Variants in DAB2IP observed in about 807,000 individuals in gnomAD.
The protein encoded by DAB2IP is DAB2 interacting protein.
DAB2IP carries 28 observed loss-of-function variants against 107.2 expected under a neutral mutation model. The observed-to-expected ratio is 0.26, with a 90% confidence interval of 0.19 to 0.36. The LOEUF is 0.36. Ranked by LOEUF, DAB2IP falls within the 10% of genes least tolerant of loss-of-function variation. The pLI is 1.00. For missense variants in DAB2IP, 1,400 were observed against 1,644.7 expected (o/e 0.85, Z 2.57); for synonymous variants, 755 against 706.4 (o/e 1.07, Z -1.09).
intron 1 of DAB2IP, among the ~76,000 whole-genome samples, chr9:121,638,926 G>A (rs905972727): frequency 1.3e-5 from 2 of 152,186 alleles, no homozygotes; most frequent in Non-Finnish European, 2.9e-5. Flanking sequence ...GGAATCATGG[G>A]AGCAAAGACA....
intron 1 of DAB2IP, among the ~76,000 whole-genome samples, chr9:121,654,643 G>A (rs1397314396): frequency 2.6e-5 from 4 of 152,130 alleles, no homozygotes; most frequent in Non-Finnish European, 5.9e-5. Context: ...ACCACCTGAG[G>A]GCAGGGCCCC....
chr9:121,636,385 A>C (rs1832088491), intron 1 of DAB2IP, among the ~76,000 whole-genome samples: 1 of 152,262 alleles, frequency 6.6e-6, no homozygotes, highest in Admixed American at 6.5e-5. Context: ...TCAAAGGAAG[A>C]GAAGTGGTTG....
At chr9:121,651,241 G>T (rs1183747921), upstream of DAB2IP, among the ~76,000 whole-genome samples, 3 of 152,262 alleles carry the variant, frequency 2.0e-5, no homozygotes, top group Non-Finnish European at 4.4e-5. The surrounding 1 kb of genome is among the most constrained non-coding windows in gnomAD (Gnocchi z 5.1). Context: ...CTGCGGAGCA[G>T]TGAGGGTCGT....
At position 121,702,307 on chromosome 9, in the gene DAB2IP, A is replaced by T. The variant is rs1032904744; in HGVS notation, c.362+2849A>T. On this transcript the variant is annotated intron_variant, in intron 3 of 15. Coordinates refer to ENST00000408936, the Ensembl canonical transcript of DAB2IP. The surrounding 1 kb of genome is among the most constrained non-coding windows in gnomAD (Gnocchi z 4.5). ...AAAGGAGTCGGTTTCAGGGGTGGGG[A>T]TGCCGAACCTGGCTGGTTGGGATTG... Among the ~76,000 whole-genome samples the T allele has an allele frequency of 6.6e-6, 1 of 151,928 alleles. No individual in the cohort carries two copies. The highest frequency in any genetic ancestry group is 1.5e-5 in the Non-Finnish European group (1 of 68,002).
chr9:121,645,729 C>G (rs926216377), intron 1 of DAB2IP, among the ~76,000 whole-genome samples: 1 of 152,180 alleles, frequency 6.6e-6, no homozygotes. Context: ...CTCAGCTTCC[C>G]CCGTTCATCA....
At chr9:121,625,885 G>A (rs1032810253) in intron 1 of DAB2IP, among the ~76,000 whole-genome samples, 4 of 152,156 alleles carry the variant, frequency 2.6e-5, no homozygotes, top group African/African-American at 7.2e-5. Flanking sequence ...GCCATCGTGG[G>A]CCCACATTCC....
intron 3 of DAB2IP, chr9:121,737,553 T>C (rs1832015925): frequency 1.0e-6 from 1 of 985,400 alleles, no homozygotes; most frequent in Non-Finnish European, 1.2e-6. Context: ...CTCTGTGGCC[T>C]TGGACTTCTT....
At chr9:121,750,673 T>C (rs1205094927) in intron 3 of DAB2IP, among the ~76,000 whole-genome samples, 1 of 152,144 alleles carries the variant, frequency 6.6e-6, no homozygotes, top group Non-Finnish European at 1.5e-5. Context: ...CCCCACCCAA[T>C]AGTTGGGAAC....
intron 3 of DAB2IP, among the ~76,000 whole-genome samples, chr9:121,745,514 G>A (rs1832660560): frequency 6.6e-6 from 1 of 152,174 alleles, no homozygotes. Context: ...CCAGACCTCA[G>A]GCTTTGGGAG....
At chr9:121,763,190 T>C (rs1834017134) in intron 6 of DAB2IP, among the ~76,000 whole-genome samples, 1 of 152,150 alleles carries the variant, frequency 6.6e-6, no homozygotes, top group Non-Finnish European at 1.5e-5. Flanking sequence ...GGGCTGTACA[T>C]GGAAATGAGT....
chr9:121,629,233 T>C (rs1831782321), intron 1 of DAB2IP, among the ~76,000 whole-genome samples: 1 of 152,136 alleles, frequency 6.6e-6, no homozygotes, highest in Non-Finnish European at 1.5e-5. Flanking sequence ...CTCAGGGACA[T>C]TGGACAGGTG....
intron 1 of DAB2IP, among the ~76,000 whole-genome samples, chr9:121,578,513 C>T (rs1340207557): frequency 2.0e-5 from 3 of 151,836 alleles, no homozygotes; most frequent in Admixed American, 1.3e-4. Flanking sequence ...TTCCAAGCCC[C>T]GGGGGATTTT....
chr9:121,605,712 C>T (rs891373120), intron 1 of DAB2IP, among the ~76,000 whole-genome samples: 8 of 152,206 alleles, frequency 5.3e-5, no homozygotes, highest in East Asian at 1.9e-4. Context: ...CACTATATTG[C>T]GCAGGCTGGT....
intron 3 of DAB2IP, among the ~76,000 whole-genome samples, chr9:121,750,283 C>T (rs898718894): frequency 7.2e-5 from 11 of 152,214 alleles, no homozygotes; most frequent in African/African-American, 2.4e-4. Flanking sequence ...CCTGCCCGCT[C>T]GCAGCTGCAG....
At chr9:121,707,332 T>G (rs1589554183) in intron 3 of DAB2IP, among the ~76,000 whole-genome samples, 2 of 152,326 alleles carry the variant, frequency 1.3e-5, no homozygotes, top group East Asian at 3.9e-4. Flanking sequence ...TCCACCCTTC[T>G]GCCGCCCCCC....
chr9:121,776,130 C>G lies in DAB2IP; in HGVS notation c.3121-68C>G. Reference sequence around the variant, plus strand: ...GGGCTCCCTCCTACCCTTCCTCCCACTCGGGCTGACGAAGCTGTGCTCTCT... The same window carrying G: ...GGGCTCCCTCCTACCCTTCCTCCCAGTCGGGCTGACGAAGCTGTGCTCTCT... On this transcript the variant is annotated intron_variant, in intron 13 of 15. Transcript: ENST00000408936. This position sits in a 1 kb window ranked among gnomAD's most constrained non-coding sequence, Gnocchi z 5.4. 6.5e-7 allele frequency: 1 copy of G among 1,530,656 alleles called. No individual in the cohort carries two copies. Among genetic ancestry groups the G allele is most frequent in the Non-Finnish European group, 8.8e-7 (1 of 1,134,734 alleles). The allele number at this position is 1,530,656 out of a possible 1,614,324, so 94.8% of individuals were successfully genotyped here.
chr9:121,722,359 G>A (rs1017350071), intron 3 of DAB2IP, among the ~76,000 whole-genome samples: 5 of 152,134 alleles, frequency 3.3e-5, no homozygotes, highest in Non-Finnish European at 7.4e-5. Flanking sequence ...GGGTTTGAAC[G>A]GCTCTGGCCA....
At chr9:121,731,665 GTGGGGC>G (rs55943212) in intron 3 of DAB2IP, among the ~76,000 whole-genome samples, 62 of 152,098 alleles carry the variant, frequency 4.1e-4, no homozygotes, top group African/African-American at 1.2e-3. Flanking sequence ...AGATTGCCCA[GTGGGGC>G]TGGGGCTGGG....
At chr9:121,616,254 C>T (rs576538413) in intron 1 of DAB2IP, among the ~76,000 whole-genome samples, 3 of 152,310 alleles carry the variant, frequency 2.0e-5, no homozygotes, top group African/African-American at 7.2e-5. Context: ...TATTGAGGCA[C>T]AGCCTTCTCC....
Sources: allele counts gnomAD v4.1 joint callset (sites outside exome capture counted in the v4.1 genomes callset), GRCh38; gene constraint gnomAD v4.1.1; non-coding constraint Gnocchi (gnomAD v3.1); transcripts MANE v1.5; gene names NCBI Gene and HGNC (gene_info 2026-07-23, HGNC 2026-07-21).